Variants in EPHB2 observed in about 807,000 individuals in gnomAD.
The protein encoded by EPHB2 is ephrin type-B receptor 2.
A neutral mutation model predicts 96.4 loss-of-function variants in EPHB2; 18 were observed. That is an observed-to-expected ratio of 0.19 (90% CI 0.13 to 0.28). The LOEUF (loss-of-function observed/expected upper bound fraction) is 0.28. Ranked by LOEUF, EPHB2 falls within the 10% of genes least tolerant of loss-of-function variation. The probability of loss-of-function intolerance (pLI) is 1.00; values close to 1 mark genes in which losing one functional copy is unlikely to be tolerated. For synonymous variants in EPHB2, 506 were observed against 534.1 expected (o/e 0.95, Z 0.72); for missense variants, 989 against 1,355.4 (o/e 0.73, Z 4.25).
intron 1 of EPHB2, among the ~76,000 whole-genome samples, chr1:22,743,155 A>G (rs947967192): frequency 6.6e-6 from 1 of 151,922 alleles, no homozygotes; most frequent in African/African-American, 2.4e-5. Flanking sequence ...GCCTCCTGAA[A>G]CAGTGGGAGT....
rs747438721 is a variant in EPHB2, at chr1:22,741,679, C to CAAAAAAAA, written c.61+30638_61+30645dup. On this transcript the variant is annotated intron_variant, in intron 1 of 15. Coordinates refer to ENST00000374630, the MANE Select transcript of EPHB2 (RefSeq NM_017449.5). ...CTTGACAGCCTGGTTTTCTTCCCAG[C>CAAAAAAAA]AAAAAAAAACAAAAAAACAAAAAAC... is the stretch of plus-strand genomic sequence containing the variant. 1.7e-3 allele frequency among the ~76,000 whole-genome samples: 123 copies of CAAAAAAAA among 73,742 alleles called. 6 individuals are homozygous for CAAAAAAAA. The South Asian group carries it at 0.017, about 10-fold the overall frequency. The allele number at this position is 73,742 out of a possible 152,430, so 48.4% of individuals were successfully genotyped here.
At chr1:22,824,685 T>C (rs1354544608) in intron 3 of EPHB2, among the ~76,000 whole-genome samples, 1 of 152,264 alleles carries the variant, frequency 6.6e-6, no homozygotes, top group Admixed American at 6.5e-5. Context: ...GGAGCTGACA[T>C]TAATGAACAG....
intron 1 of EPHB2, 102 bp from the exon 2 acceptor site, chr1:22,781,317 CTA>C: frequency 1.1e-6 from 1 of 886,526 alleles, no homozygotes; most frequent in Non-Finnish European, 1.6e-6. Context: ...CAGACTCCGT[CTA>C]AAAAAAAAAA....
At position 22,712,605 on chromosome 1, in the gene EPHB2, C is replaced by A. The variant is rs749970547; in HGVS notation, c.61+1562C>A. 3.3e-4 allele frequency among the ~76,000 whole-genome samples: 50 copies of A among 152,190 alleles called. 2 individuals are homozygous for A. The highest frequency in any genetic ancestry group is 7.8e-4 in the Admixed American group (12 of 15,292). On this transcript the variant is annotated intron_variant, in intron 1 of 15. Transcript: ENST00000374630. ...GGTGGGGGGTGTCCCTGGATGGCAG[C>A]CACAGTTTCTGGCACTGAGGCAGCT...
At chr1:22,727,796 CA>C (rs369225615) in intron 1 of EPHB2, among the ~76,000 whole-genome samples, 7,306 of 74,230 alleles carry the variant, frequency 0.098, 498 homozygotes, top group African/African-American at 0.23. Context: ...AAAAAAAAAA[CA>C]AAAAAAAAAA....
chr1:22,918,119 A>T lies in EPHB2; in HGVS notation c.*4549A>T, dbSNP rs1168318358. 3 of 152,224 alleles carry T rather than the reference A, an allele frequency of 2.0e-5. No homozygotes were observed. Among genetic ancestry groups the T allele is most frequent in the Admixed American group, 6.5e-5 (1 of 15,272 alleles). 9.4% of individuals were successfully genotyped at this position (152,224 alleles called of 1,614,324 possible). A position where few individuals can be genotyped will look rare whatever the true frequency, so the allele number is the denominator to read the frequency against. On this transcript the variant is annotated 3_prime_UTR_variant, in exon 16 of 16. Coordinates refer to ENST00000374630, the MANE Select transcript of EPHB2 (RefSeq NM_017449.5). This position sits in a 1 kb window ranked among gnomAD's most constrained non-coding sequence, Gnocchi z 4.2. The stretch of plus-strand genomic sequence containing the variant: ...GAAGAAGCACCAGTTCAGCCATCAG[A>T]TGGGGCAGGATGCCTCCCAGCTACT...
chr1:22,847,773 C>T (rs77936122), intron 3 of EPHB2, among the ~76,000 whole-genome samples: 176 of 59,342 alleles, frequency 3.0e-3, no homozygotes, highest in Non-Finnish European at 4.5e-3. Flanking sequence ...AACTGTCTCA[C>T]CTCGTGTCTG....
rs1291349224 is a variant in EPHB2, at chr1:22,913,645, C to A, written c.*75C>A. ...CCCACGTGCCGGCCCTCCTGGTGCT[C>A]TATCCACTGCAGGGCCAGCCACTCG... On this transcript the variant is annotated 3_prime_UTR_variant, in exon 16 of 16. Transcript: ENST00000374630. The surrounding 1 kb of genome is among the most constrained non-coding windows in gnomAD (Gnocchi z 4.1). 3 of 1,602,174 alleles carry A rather than the reference C, an allele frequency of 1.9e-6. No individual in the cohort carries two copies. In the South Asian group the frequency reaches 3.4e-5, roughly 18 times the overall value.
intron 1 of EPHB2, among the ~76,000 whole-genome samples, chr1:22,779,514 A>G (rs953948378): frequency 1.3e-5 from 2 of 152,190 alleles, no homozygotes; most frequent in Non-Finnish European, 2.9e-5. Context: ...CACCCCTGCC[A>G]TAGTTCAAAC....
At chr1:22,863,271 G>T in intron 4 of EPHB2, 79 bp downstream of exon 4, 4 of 1,600,996 alleles carry the variant, frequency 2.5e-6, no homozygotes, top group Non-Finnish European at 3.4e-6. Context: ...GTGAGGATTG[G>T]GTGCCGTCCG....
Position 22,779,108 on chromosome 1 carries a change from G to A in EPHB2, c.62-2313G>A, listed in dbSNP as rs115926540. Among the ~76,000 whole-genome samples, 1,508 of 152,334 alleles carry A rather than the reference G, an allele frequency of 9.9e-3. 31 individuals are homozygous for A. Among genetic ancestry groups the A allele is most frequent in the African/African-American group, 0.034 (1,431 of 41,584 alleles). ...GCCCAGGCAGAGAGCCCGGCTTGGCGCGTCTCTGGCTGAGGCCGATGAGAG... is the reference window on the plus strand; with the variant it reads ...GCCCAGGCAGAGAGCCCGGCTTGGCACGTCTCTGGCTGAGGCCGATGAGAG... On this transcript the variant is annotated intron_variant, in intron 1 of 15. Transcript: ENST00000374630.
At chr1:22,896,356 G>A (rs2124005386) in intron 8 of EPHB2, 58 bp from the exon 9 acceptor site, 1 of 1,611,804 alleles carries the variant, frequency 6.2e-7, no homozygotes, top group South Asian at 1.1e-5. Flanking sequence ...ACCTACTGTG[G>A]CTCCCAGCTC....
At chr1:22,819,555 G>T (rs1309909941) in intron 3 of EPHB2, among the ~76,000 whole-genome samples, 2 of 152,062 alleles carry the variant, frequency 1.3e-5, no homozygotes, top group East Asian at 1.9e-4. Flanking sequence ...GTCCCCAAGG[G>T]CACTCAACCC....
intron 3 of EPHB2, among the ~76,000 whole-genome samples, chr1:22,821,678 C>T (rs1645154044): frequency 6.6e-6 from 1 of 152,198 alleles, no homozygotes; most frequent in Non-Finnish European, 1.5e-5. Flanking sequence ...TTCCTCTCTC[C>T]CTTGTCTGGG....
intron 11 of EPHB2, among the ~76,000 whole-genome samples, chr1:22,907,211 T>C (rs1377193943): frequency 6.6e-6 from 1 of 152,196 alleles, no homozygotes; most frequent in Non-Finnish European, 1.5e-5. Flanking sequence ...AATCAGTTGA[T>C]CAGAGTTGGC....
rs113349963 is a variant in EPHB2, at chr1:22,774,333, C to G, written c.62-7088C>G. Reference sequence around the variant, plus strand: ...CTGATCTGCCTCTGTGTCTCCAGTGCCTGGCTCAGGGCCTGGCACACATCG... The same window carrying G: ...CTGATCTGCCTCTGTGTCTCCAGTGGCTGGCTCAGGGCCTGGCACACATCG... On this transcript the variant is annotated intron_variant, in intron 1 of 15. Transcript: ENST00000374630. 2.6e-3 allele frequency among the ~76,000 whole-genome samples: 399 copies of G among 152,284 alleles called. 2 individuals carry two copies. The highest frequency in any genetic ancestry group is 9.1e-3 in the African/African-American group (378 of 41,544).
At chr1:22,862,334 A>G (rs566407976) in intron 3 of EPHB2, among the ~76,000 whole-genome samples, 1 of 152,368 alleles carries the variant, frequency 6.6e-6, no homozygotes, top group South Asian at 2.1e-4. Flanking sequence ...ATTTTAATAA[A>G]TTGATCACAT....
At chr1:22,775,095 A>T (rs1644430826) in intron 1 of EPHB2, 1 of 733,126 alleles carries the variant, frequency 1.4e-6, no homozygotes. Context: ...GAGAGAGAAG[A>T]TAAATGCACA....
At chr1:22,835,760 C>T (rs557849625) in intron 3 of EPHB2, 1 of 152,338 alleles carries the variant, frequency 6.6e-6, no homozygotes, top group East Asian at 1.9e-4. Context: ...CAGGCACGCA[C>T]AATGCAGTCT....
Sources: gnomAD v4.1 joint callset for allele counts (sites outside exome capture counted in the v4.1 genomes callset) on GRCh38, gnomAD v4.1.1 for gene constraint, Gnocchi (gnomAD v3.1) non-coding constraint, MANE v1.5 for transcripts, NCBI Gene and HGNC (gene_info 2026-07-23, HGNC 2026-07-21) for gene names.